RBMS3: variants seen among roughly 807,000 people sequenced by gnomAD.
RBMS3 encodes the protein RNA binding motif single stranded interacting protein 3.
Under a neutral mutation model 66.8 loss-of-function variants are expected in RBMS3, and 27 were observed. The ratio of observed to expected loss-of-function variants is 0.40; its 90% CI spans 0.30 to 0.56. The LOEUF (loss-of-function observed/expected upper bound fraction) is 0.56. Among genes scored for constraint, RBMS3 ranks in the 20% least tolerant of loss-of-function variants. The pLI is 0.40. For missense variants in RBMS3, 513 were observed against 549.5 expected (o/e 0.93, Z 0.66); for synonymous variants, 188 against 183.0 (o/e 1.03, Z -0.22).
At chr3:29,841,050 GA>G (rs1488972819) in intron 6 of RBMS3, among the ~76,000 whole-genome samples, 1 of 144,362 alleles carries the variant, frequency 6.9e-6, no homozygotes, top group East Asian at 2.3e-4. Flanking sequence ...GTAAAAGTTA[GA>G]CAGTGTCATG....
chr3:29,704,655 A>G (rs1398178061), intron 4 of RBMS3, among the ~76,000 whole-genome samples: 3 of 152,166 alleles, frequency 2.0e-5, no homozygotes, highest in Non-Finnish European at 4.4e-5. Context: ...TCATTTATTT[A>G]TATTTCTTCC....
chr3:29,372,109 C>T (rs760030195), intron 1 of RBMS3, among the ~76,000 whole-genome samples: 9 of 151,820 alleles, frequency 5.9e-5, no homozygotes, highest in African/African-American at 1.5e-4. Flanking sequence ...CAATGATTGC[C>T]GTTAGAATGC....
At chr3:29,877,016 T>G (rs1313903132) in intron 7 of RBMS3, among the ~76,000 whole-genome samples, 1 of 152,186 alleles carries the variant, frequency 6.6e-6, no homozygotes, top group Non-Finnish European at 1.5e-5. Flanking sequence ...AAAGAGGTTT[T>G]GAGCAAATAT....
intron 1 of RBMS3, among the ~76,000 whole-genome samples, chr3:29,393,479 A>G (rs2125649118): frequency 6.6e-6 from 1 of 152,296 alleles, no homozygotes; most frequent in East Asian, 1.9e-4. Flanking sequence ...GAAAATCATC[A>G]GAAGGAGAAA....
At chr3:29,456,075 G>A (rs1304737207) in intron 2 of RBMS3, among the ~76,000 whole-genome samples, 2 of 151,998 alleles carry the variant, frequency 1.3e-5, no homozygotes, top group African/African-American at 2.4e-5. Flanking sequence ...GAATAATGAG[G>A]ATCAACTCTA....
intron 14 of RBMS3, among the ~76,000 whole-genome samples, chr3:29,996,873 C>G (rs1278354255): frequency 6.6e-6 from 1 of 151,888 alleles, no homozygotes; most frequent in Non-Finnish European, 1.5e-5. Context: ...AAAGCAAGAG[C>G]AAACACATTC....
chr3:30,002,447 G>C (rs566139127), intron 14 of RBMS3, among the ~76,000 whole-genome samples: 73 of 151,900 alleles, frequency 4.8e-4, no homozygotes, highest in Admixed American at 3.0e-3. Flanking sequence ...TGTTCCCTTA[G>C]TAATATAGAT....
At chr3:29,803,891 A>G (rs1169075333) in intron 6 of RBMS3, among the ~76,000 whole-genome samples, 4 of 152,076 alleles carry the variant, frequency 2.6e-5, no homozygotes, top group Non-Finnish European at 5.9e-5. Context: ...ATTTAATCAC[A>G]TTTAATTTGG....
At chr3:29,375,192 A>G (rs1027440540) in intron 1 of RBMS3, among the ~76,000 whole-genome samples, 2 of 152,188 alleles carry the variant, frequency 1.3e-5, no homozygotes, top group African/African-American at 4.8e-5. Context: ...TCTTTATACC[A>G]TATAGGAAAT....
At chr3:29,856,705 T>C (rs1021079024) in intron 6 of RBMS3, among the ~76,000 whole-genome samples, 2 of 152,198 alleles carry the variant, frequency 1.3e-5, no homozygotes, top group African/African-American at 4.8e-5. Flanking sequence ...ATCACTTTGT[T>C]TCTATAGCAC....
At chr3:29,941,834 A>G (rs977333016) in intron 11 of RBMS3, among the ~76,000 whole-genome samples, 2 of 151,832 alleles carry the variant, frequency 1.3e-5, no homozygotes, top group African/African-American at 4.8e-5. Context: ...ATGTACATAT[A>G]TCCCATCAAA....
At chr3:29,731,244 A>G (rs1407297166) in intron 4 of RBMS3, among the ~76,000 whole-genome samples, 2 of 152,220 alleles carry the variant, frequency 1.3e-5, no homozygotes, top group Admixed American at 1.3e-4. Flanking sequence ...CCAGTTGCTG[A>G]CACTGTGCTT....
At chr3:29,350,680 A>C (rs892584937) in intron 1 of RBMS3, among the ~76,000 whole-genome samples, 1 of 152,042 alleles carries the variant, frequency 6.6e-6, no homozygotes, top group African/African-American at 2.4e-5. Context: ...GCGAATATGG[A>C]GTATCTTAGT....
chr3:29,620,261 T>C (rs2048820565), intron 4 of RBMS3, among the ~76,000 whole-genome samples: 1 of 152,206 alleles, frequency 6.6e-6, no homozygotes, highest in Non-Finnish European at 1.5e-5. Context: ...GACATATTTG[T>C]ATGTGCCACT....
At chr3:29,505,222 T>C (rs950065083) in intron 3 of RBMS3, among the ~76,000 whole-genome samples, 62 of 152,038 alleles carry the variant, frequency 4.1e-4, no homozygotes, top group African/African-American at 1.4e-3. Context: ...CCCTTTTGAG[T>C]TGATTTTTGT....
At chr3:29,932,313 CAAAT>C (rs2061150203) in intron 10 of RBMS3, among the ~76,000 whole-genome samples, 1 of 152,090 alleles carries the variant, frequency 6.6e-6, no homozygotes, top group South Asian at 2.1e-4. Context: ...TGGATTCAAA[CAAAT>C]AAATGAGAAA....
intron 10 of RBMS3, among the ~76,000 whole-genome samples, chr3:29,903,749 T>C (rs2060309395): frequency 6.6e-6 from 1 of 152,004 alleles, no homozygotes; most frequent in African/African-American, 2.4e-5. Context: ...TCAGCTTTCA[T>C]TTTGACTTAA....
chr3:29,696,629 A>G (rs567652537), intron 4 of RBMS3, among the ~76,000 whole-genome samples: 2 of 152,308 alleles, frequency 1.3e-5, no homozygotes, highest in South Asian at 4.1e-4. Flanking sequence ...TATTTATAAA[A>G]TTGCTCAATT....
chr3:29,865,921 T>C (rs1390841017), intron 6 of RBMS3, among the ~76,000 whole-genome samples: 1 of 152,040 alleles, frequency 6.6e-6, no homozygotes, highest in Non-Finnish European at 1.5e-5. Flanking sequence ...GTGTGACCCG[T>C]AGCGAGCCAC....
Sources: gnomAD v4.1 joint callset for allele counts (sites outside exome capture counted in the v4.1 genomes callset) on GRCh38, gnomAD v4.1.1 for gene constraint, MANE v1.5 for transcripts, NCBI Gene and HGNC (gene_info 2026-07-23, HGNC 2026-07-21) for gene names.